KCNN2: variants seen among roughly 807,000 people sequenced by gnomAD.
KCNN2 encodes potassium calcium-activated channel subfamily N member 2.
In KCNN2, 24 loss-of-function variants were observed where a neutral mutation model predicts 55.5. The ratio of observed to expected loss-of-function variants is 0.43; its 90% CI spans 0.31 to 0.61. KCNN2 has a LOEUF of 0.61. Among genes scored for constraint, KCNN2 ranks in the 20% least tolerant of loss-of-function variants. The probability of loss-of-function intolerance (pLI) is 0.08; values close to 1 mark genes in which losing one functional copy is unlikely to be tolerated. For missense variants in KCNN2, 754 were observed against 853.6 expected, an observed-to-expected ratio of 0.88 and a Z score of 1.45; for synonymous variants, 431 against 336.1, an observed-to-expected ratio of 1.28 and a Z score of -3.09.
At chr5:114,345,572 A>AC (rs1757090686) in intron 2 of KCNN2, among the ~76,000 whole-genome samples, 1 of 152,204 alleles carries the variant, frequency 6.6e-6, no homozygotes, top group African/African-American at 2.4e-5. Context: ...AACAACACTG[A>AC]AAGAGTTGGG....
rs146703139 is a variant in KCNN2, at chr5:114,099,541, A to G, written c.-271+43041A>G. Among the ~76,000 whole-genome samples, 156 of 152,210 alleles carry G rather than the reference A, an allele frequency of 1.0e-3. 4 individuals carry two copies. Among genetic ancestry groups the G allele is most frequent in the African/African-American group, 3.5e-3 (145 of 41,540 alleles). Reference sequence around the variant, plus strand: ...AATGCATTGCTTATTCACAGGTGCAATCATAGCATACTATAGCCTGAAACT... The same window carrying G: ...AATGCATTGCTTATTCACAGGTGCAGTCATAGCATACTATAGCCTGAAACT... On this transcript the variant is annotated intron_variant, in intron 1 of 10. Transcript: ENST00000512097.
chr5:114,379,052 A>T (rs114252719), intron 2 of KCNN2, among the ~76,000 whole-genome samples: 1 of 151,758 alleles, frequency 6.6e-6, no homozygotes, highest in African/African-American at 2.4e-5. Flanking sequence ...CCTACTGGCA[A>T]CTCCCCTTAG....
intron 2 of KCNN2, among the ~76,000 whole-genome samples, chr5:114,239,955 A>G (rs1310294787): frequency 6.6e-6 from 1 of 152,206 alleles, no homozygotes; most frequent in Admixed American, 6.5e-5. Context: ...TCTAAGCATT[A>G]AAAAGGTAAT....
chr5:114,293,977 C>A (rs1472203116), intron 2 of KCNN2, among the ~76,000 whole-genome samples: 1 of 152,072 alleles, frequency 6.6e-6, no homozygotes, highest in East Asian at 1.9e-4. Context: ...AGTTTATTTG[C>A]GTAGAGTTGT....
At chr5:114,255,476 G>T (rs1401765669) in intron 2 of KCNN2, among the ~76,000 whole-genome samples, 1 of 152,202 alleles carries the variant, frequency 6.6e-6, no homozygotes, top group East Asian at 1.9e-4. Context: ...CCTTATCAAA[G>T]GATGTAGAGA....
chr5:114,313,787 A>C (rs1456374892), intron 2 of KCNN2, among the ~76,000 whole-genome samples: 1 of 152,142 alleles, frequency 6.6e-6, no homozygotes, highest in Non-Finnish European at 1.5e-5. Flanking sequence ...GTTCTCTCCT[A>C]TTAATTTCAT....
upstream of KCNN2, among the ~76,000 whole-genome samples, chr5:114,360,135 TATTA>T (rs556687524): frequency 2.3e-4 from 35 of 152,300 alleles, no homozygotes; most frequent in African/African-American, 7.2e-4. Context: ...TTCCGGACAG[TATTA>T]ATTAGCTCAA....
At chr5:114,319,289 C>T (rs1476554634) in intron 2 of KCNN2, among the ~76,000 whole-genome samples, 1 of 152,124 alleles carries the variant, frequency 6.6e-6, no homozygotes, top group Non-Finnish European at 1.5e-5. Context: ...AATCTCCCTG[C>T]AGGGAGGCTT....
At chr5:114,467,758 T>G (rs1165469173) in intron 4 of KCNN2, among the ~76,000 whole-genome samples, 2 of 152,076 alleles carry the variant, frequency 1.3e-5, no homozygotes, top group African/African-American at 4.8e-5. Context: ...TAGGTGGAAG[T>G]TGTTGTGACC....
chr5:114,187,592 G>A (rs1157860830), intron 1 of KCNN2, among the ~76,000 whole-genome samples: 3 of 140,796 alleles, frequency 2.1e-5, no homozygotes, highest in Non-Finnish European at 4.5e-5. Flanking sequence ...TGCAAGCTCC[G>A]CCTCCCGGGT....
intron 2 of KCNN2, among the ~76,000 whole-genome samples, chr5:114,395,008 A>G (rs879626893): frequency 1.1e-4 from 17 of 152,200 alleles, no homozygotes; most frequent in Non-Finnish European, 1.0e-4. Context: ...TGTAATTTTT[A>G]AGCCCCAGTT....
intron 2 of KCNN2, among the ~76,000 whole-genome samples, chr5:114,231,796 A>G (rs1216812591): frequency 6.6e-6 from 1 of 150,812 alleles, no homozygotes; most frequent in East Asian, 1.9e-4. Flanking sequence ...CCATCACTAG[A>G]TGACTTAATC....
At chr5:114,345,192 CTTG>C (rs1249548349) in intron 2 of KCNN2, among the ~76,000 whole-genome samples, 2 of 151,992 alleles carry the variant, frequency 1.3e-5, no homozygotes, top group Admixed American at 1.3e-4. Context: ...TCCAAAATAT[CTTG>C]TTAAGTGAAA....
chr5:114,241,773 TAC>T (rs376839828), intron 2 of KCNN2, among the ~76,000 whole-genome samples: 18,579 of 35,492 alleles, frequency 0.52, 7,075 homozygotes, highest in East Asian at 0.79. Flanking sequence ...CGTATATATA[TAC>T]ATATATACGT....
chr5:114,301,055 T>A (rs1019386698), intron 2 of KCNN2, among the ~76,000 whole-genome samples: 22 of 151,624 alleles, frequency 1.5e-4, no homozygotes, highest in East Asian at 3.9e-4. Context: ...ATTAAATATT[T>A]TTTTTTTAAT....
intron 2 of KCNN2, among the ~76,000 whole-genome samples, chr5:114,235,569 T>C (rs1754473188): frequency 6.6e-6 from 1 of 152,216 alleles, no homozygotes; most frequent in Non-Finnish European, 1.5e-5. Flanking sequence ...AGCATTTGTT[T>C]AGAAACTATC....
Position 114,079,276 on chromosome 5 carries a change from C to G in KCNN2, c.-271+22776C>G, listed in dbSNP as rs527556634. Among the ~76,000 whole-genome samples, 20 of 152,200 alleles carry G rather than the reference C, an allele frequency of 1.3e-4. No homozygotes were observed. In the South Asian group the frequency reaches 3.5e-3, roughly 27 times the overall value. ...AATTTTGAATGTATTCTAATAAAAA[C>G]TTTGAATCCAAAGTTAGTCATTCAA... On this transcript the variant is annotated intron_variant, in intron 1 of 10. Coordinates refer to the KCNN2 transcript ENST00000512097.
chr5:114,129,826 G>A, intron 1 of KCNN2, among the ~76,000 whole-genome samples: 1 of 152,212 alleles, frequency 6.6e-6, no homozygotes, highest in Non-Finnish European at 1.5e-5. Flanking sequence ...ATGGATCTGA[G>A]GACATTTGTT....
rs549775905 is a variant in KCNN2 at position 114,186,583 on chromosome 5, T to G, written c.-270-34897T>G. 2.0e-5 allele frequency among the ~76,000 whole-genome samples: 3 copies of G among 152,294 alleles called. No homozygotes were observed. The South Asian group carries it at 6.2e-4, about 32-fold the overall frequency. ...ATTAATTCAAAATGAGGAAGGTGCC[T>G]ATGTGCTGAAGTTAGGAGTTTATAA... On this transcript the variant is annotated intron_variant, in intron 1 of 10. Transcript: ENST00000512097.
Sources: gnomAD v4.1 joint callset for allele counts (sites outside exome capture counted in the v4.1 genomes callset) on GRCh38, gnomAD v4.1.1 for gene constraint, MANE v1.5 for transcripts, NCBI Gene and HGNC (gene_info 2026-07-23, HGNC 2026-07-21) for gene names.